KLRG1: variants seen among roughly 807,000 people sequenced by gnomAD.
KLRG1 encodes the protein killer cell lectin-like receptor subfamily G member 1.
In KLRG1, 16 loss-of-function variants were observed where a neutral mutation model predicts 21.8. The ratio of observed to expected loss-of-function variants is 0.73; its 90% CI spans 0.50 to 1.11. The LOEUF (loss-of-function observed/expected upper bound fraction) is 1.11. Among genes scored for constraint, KLRG1 ranks in the 50% most tolerant of loss-of-function variants. The pLI, the probability that KLRG1 is intolerant of heterozygous loss-of-function variation, is 0.00. For synonymous variants in KLRG1, 69 were observed against 75.9 expected, an observed-to-expected ratio of 0.91 and a Z score of 0.47; for missense variants, 173 against 218.3, an observed-to-expected ratio of 0.79 and a Z score of 1.31.
At chr12:9,062,629 A>AT in the KLRG1 span, among the ~76,000 whole-genome samples, 4 of 147,782 alleles carry the variant, frequency 2.7e-5, no homozygotes, top group Non-Finnish European at 3.0e-5. Flanking sequence ...ATATGTATAT[A>AT]TTATACATAT....
At chr12:9,172,540 A>G in the KLRG1 span, among the ~76,000 whole-genome samples, 1 of 152,222 alleles carries the variant, frequency 6.6e-6, no homozygotes, top group African/African-American at 2.4e-5. Flanking sequence ...CAGAATGGCA[A>G]GCTGAATAAA....
At chr12:9,150,608 C>G in the KLRG1 span, 5 of 1,378,568 alleles carry the variant, frequency 3.6e-6, no homozygotes, top group Non-Finnish European at 5.1e-6. Context: ...CATTTCTTGG[C>G]TCTGGTTAAG....
At chr12:8,974,949 G>A (rs940086302) in intron 1 of KLRG1, among the ~76,000 whole-genome samples, 1 of 151,724 alleles carries the variant, frequency 6.6e-6, no homozygotes, top group Non-Finnish European at 1.5e-5. Flanking sequence ...AGGCTGGGGT[G>A]CAGTGGTGTG....
chr12:9,101,135 A>T, the KLRG1 span: 1 of 1,557,220 alleles, frequency 6.4e-7, no homozygotes, highest in Non-Finnish European at 8.7e-7. Context: ...AGATGATGGA[A>T]ATACTCACTG....
the KLRG1 span, among the ~76,000 whole-genome samples, chr12:9,108,122 T>C: frequency 6.6e-6 from 1 of 151,362 alleles, no homozygotes; most frequent in East Asian, 1.9e-4. Context: ...TATTTTATTT[T>C]ATTTTATTTT....
At chr12:9,003,842 A>G (rs1565552311) in intron 3 of KLRG1, among the ~76,000 whole-genome samples, 1 of 151,966 alleles carries the variant, frequency 6.6e-6, no homozygotes, top group Non-Finnish European at 1.5e-5. Context: ...TCCTAATGCT[A>G]TCCCTCCCCC....
At chr12:9,144,704 G>A in the KLRG1 span, among the ~76,000 whole-genome samples, 1 of 152,192 alleles carries the variant, frequency 6.6e-6, no homozygotes, top group Non-Finnish European at 1.5e-5. Context: ...GAATGTTTCT[G>A]TGTGGAGGAG....
chr12:9,027,890 TC>T, the KLRG1 span: 1 of 892,944 alleles, frequency 1.1e-6, no homozygotes, highest in Non-Finnish European at 1.9e-6. Context: ...TACCAAAGTT[TC>T]CAGAACCATT....
At chr12:9,034,505 G>A in the KLRG1 span, among the ~76,000 whole-genome samples, 2 of 152,004 alleles carry the variant, frequency 1.3e-5, no homozygotes, top group Non-Finnish European at 2.9e-5. Context: ...GAGTGCAATG[G>A]TGTGATCTCG....
chr12:9,116,509 C>T, the KLRG1 span, among the ~76,000 whole-genome samples: 332 of 152,246 alleles, frequency 2.2e-3, 7 homozygotes, highest in Admixed American at 0.019. Context: ...AACAAAGAAA[C>T]GTGAAGTAAC....
the KLRG1 span, chr12:9,160,998 T>G: frequency 2.0e-6 from 3 of 1,491,120 alleles, no homozygotes; most frequent in Non-Finnish European, 2.8e-6. Flanking sequence ...TGGCAACTCT[T>G]TTGGCCCAGG....
the KLRG1 span, among the ~76,000 whole-genome samples, chr12:9,214,218 G>A: frequency 6.6e-6 from 1 of 151,966 alleles, no homozygotes; most frequent in Non-Finnish European, 1.5e-5. Flanking sequence ...GTACCATGCT[G>A]TCTTGAGATT....
the KLRG1 span, among the ~76,000 whole-genome samples, chr12:9,018,511 G>A: frequency 6.6e-6 from 1 of 151,960 alleles, no homozygotes; most frequent in Non-Finnish European, 1.5e-5. Context: ...AAGGTGTGAA[G>A]AATAAACACT....
At chr12:9,080,578 G>T in the KLRG1 span, among the ~76,000 whole-genome samples, 1 of 152,080 alleles carries the variant, frequency 6.6e-6, no homozygotes, top group Non-Finnish European at 1.5e-5. Flanking sequence ...AGCCCTATAA[G>T]TATACATAAG....
chr12:9,182,162 A>AAATGGTCATAAGTGAGACAG, the KLRG1 span: 1 of 1,545,256 alleles, frequency 6.5e-7, no homozygotes, highest in Non-Finnish European at 8.8e-7. Flanking sequence ...AAGTGAGACA[A>AAATGGTCATAAGTGAGACAG]AAAGGTCATA....
chr12:9,134,909 C>G, the KLRG1 span, among the ~76,000 whole-genome samples: 14 of 152,208 alleles, frequency 9.2e-5, no homozygotes, highest in Non-Finnish European at 5.9e-5. Flanking sequence ...TAGAAAATAA[C>G]TTTTTTACTC....
At chr12:9,200,465 T>C in the KLRG1 span, 49 of 1,558,894 alleles carry the variant, frequency 3.1e-5, no homozygotes, top group East Asian at 1.0e-3. Context: ...ATAGAGATAA[T>C]AGGAATAAGG....
At chr12:8,975,722 C>A (rs1350225063) in intron 1 of KLRG1, among the ~76,000 whole-genome samples, 20 of 152,060 alleles carry the variant, frequency 1.3e-4, no homozygotes, top group Non-Finnish European at 2.8e-4. Context: ...TACCATCACA[C>A]TGGCTAATTT....
intron 1 of KLRG1, chr12:8,991,964 G>A (rs1347878264): frequency 5.7e-6 from 2 of 349,534 alleles, no homozygotes; most frequent in Non-Finnish European, 1.0e-5. Flanking sequence ...GTAAGTCACA[G>A]TTTCAAAGGA....
Sources: allele counts gnomAD v4.1 joint callset (sites outside exome capture counted in the v4.1 genomes callset), GRCh38; gene constraint gnomAD v4.1.1; transcripts MANE v1.5; gene names NCBI Gene and HGNC (gene_info 2026-07-23, HGNC 2026-07-21).